Variants in SLC5A2 observed in about 807,000 individuals in gnomAD.
SLC5A2 encodes solute carrier family 5 member 2.
In SLC5A2, 67 loss-of-function variants were observed where a neutral mutation model predicts 69.0. The observed-to-expected ratio is 0.97, with a 90% CI of 0.80 to 1.19. The LOEUF is 1.19. Ranked by LOEUF, SLC5A2 falls within the 50% of genes most tolerant of loss-of-function variation. The pLI, the probability that SLC5A2 is intolerant of heterozygous loss-of-function variation, is 0.00. For missense variants in SLC5A2, 1,001 were observed against 921.5 expected (o/e 1.09, Z -1.12); for synonymous variants, 455 against 395.8 (o/e 1.15, Z -1.78).
Position 31,488,146 on chromosome 16 carries a change from G to C in SLC5A2, c.994G>C (p.Gly332Arg). 3 of 1,614,110 alleles carry C rather than the reference G, an allele frequency of 1.9e-6. No homozygotes were observed. Among genetic ancestry groups the C allele is most frequent in the Non-Finnish European group, 2.5e-6 (3 of 1,180,000 alleles). Residue 332 changes from glycine to arginine, a missense_variant, in exon 8 of 14, where the codon GGC becomes CGC. Transcript: ENST00000330498. ...GCCCATGTTTCTCATGGTCATGCCA[G>C]GCATGATCAGCCGCATTCTGTACCC... ...LTPMFLMVMP[G>R]MISRILYPDE...
chr16:31,489,581 T>C, intron 12 of SLC5A2: 1 of 592,474 alleles, frequency 1.7e-6, no homozygotes, highest in Non-Finnish European at 3.0e-6. Context: ...ATCCTTGGCA[T>C]GGCCTTTGGG....
Position 31,483,182 on chromosome 16 carries a change from C to G in SLC5A2, c.46C>G (p.Gln16Glu), listed in dbSNP as rs760219242. 3 of 1,613,904 alleles carry G rather than the reference C, an allele frequency of 1.9e-6. No homozygotes were observed. The highest frequency in any genetic ancestry group is 2.2e-5 in the South Asian group (2 of 91,070). Residue 16 changes from glutamine to glutamate, a missense_variant, in exon 1 of 14, where the codon CAG (glutamine) becomes GAG (glutamate). Physicochemically the swap from Gln to Glu is conservative, Grantham distance 29. Coordinates refer to ENST00000330498, the MANE Select transcript of SLC5A2 (RefSeq NM_003041.4). ...EAGSAPEMGA[Q>E]KALIDNPADI... ...AGGCTCGGCACCAGAGATGGGGGCC[C>G]AGAAGGCCCTGATTGACAATCCTGC...
intron 1 of SLC5A2, among the ~76,000 whole-genome samples, chr16:31,484,002 T>C (rs2082475114): frequency 6.6e-6 from 1 of 152,090 alleles, no homozygotes; most frequent in Non-Finnish European, 1.5e-5. Flanking sequence ...GGTGGGAAGA[T>C]TGCTTGAGCC....
rs1161062139 is a variant in SLC5A2 at position 31,488,378 on chromosome 16, G to C, written c.1022-5G>C. ...CCTAACGGCGCGGTGGCCTCTCTCT[G>C]GCAGACGAGGTGGCGTGCGTGGTGC... On this transcript the variant is annotated splice_region_variant and splice_polypyrimidine_tract_variant and intron_variant, in intron 8 of 13. Transcript: ENST00000330498. 2 of 1,610,980 alleles carry C rather than the reference G, an allele frequency of 1.2e-6. No individual in the cohort carries two copies. Among genetic ancestry groups the C allele is most frequent in the South Asian group, 2.2e-5 (2 of 90,984 alleles).
rs1055590288 is a variant in SLC5A2 at position 31,489,365 on chromosome 16, C to G, written c.1665+27C>G. 7 of 1,583,790 alleles carry G rather than the reference C, an allele frequency of 4.4e-6. No homozygotes were observed. In the Admixed American group the frequency reaches 6.7e-5, roughly 15 times the overall value. ...TGAGTGGCCAGGTGCCCCAGGCAAG[C>G]ACTGTGGGACACAGCACCTACCCTC... On this transcript the variant is annotated intron_variant, in intron 12 of 13. Coordinates refer to ENST00000330498, the MANE Select transcript of SLC5A2 (RefSeq NM_003041.4).
chr16:31,483,338 G>C lies in SLC5A2; in HGVS notation c.126+76G>C, dbSNP rs145808638. On this transcript the variant is annotated intron_variant, in intron 1 of 13. Transcript: ENST00000330498. Reference sequence around the variant, plus strand: ...GGGGAAAAGTCTCAGGGGGACCCTAGGTGGGAGAATGATGCTTGGATCTTT... The same window carrying C: ...GGGGAAAAGTCTCAGGGGGACCCTACGTGGGAGAATGATGCTTGGATCTTT... 1,271 of 1,577,670 alleles carry C rather than the reference G, an allele frequency of 8.1e-4. 17 individuals carry two copies. The Admixed American group carries it at 0.019, about 23-fold the overall frequency.
At chr16:31,489,447 T>C (rs1596621953) in intron 12 of SLC5A2, 109 bp downstream of exon 12, 1 of 991,084 alleles carries the variant, frequency 1.0e-6, no homozygotes, top group Non-Finnish European at 1.5e-6. Flanking sequence ...GGGTTGGGAA[T>C]GGGCTGGGGG....
Position 31,488,453 on chromosome 16 carries a change from C to G in SLC5A2, c.1092C>G (p.Ile364Met). Reference protein sequence around the residue: ...VCGTEVGCSNIAYPRLVVKLM... With the variant: ...VCGTEVGCSNMAYPRLVVKLM... Reference sequence around the variant, plus strand: ...GCACGGAGGTGGGCTGCTCCAACATCGCCTACCCGCGGCTCGTCGTGAAGC... The same window carrying G: ...GCACGGAGGTGGGCTGCTCCAACATGGCCTACCCGCGGCTCGTCGTGAAGC... The change falls in exon 9 of 14, where the codon ATC (isoleucine) becomes ATG (methionine). Residue 364 changes from isoleucine to methionine, a missense_variant. By Grantham distance (10) the Ile-to-Met change is conservative (BLOSUM62 1). Transcript: ENST00000330498. 1.2e-6 allele frequency: 2 copies of G among 1,610,898 alleles called. No individual in the cohort carries two copies. The highest frequency in any genetic ancestry group is 4.5e-5 in the East Asian group (2 of 44,778).
In SLC5A2 at chr16:31,488,955, C is replaced by G. The variant is rs199626017; in HGVS notation, c.1356C>G (p.Leu452=). 1.9e-6 allele frequency: 3 copies of G among 1,603,214 alleles called. No individual in the cohort carries two copies. The highest frequency in any genetic ancestry group is 2.5e-6 in the Non-Finnish European group (3 of 1,179,880). The change falls in exon 11 of 14, where the codon CTC becomes CTG. Residue 452 remains leucine, a synonymous_variant. Transcript: ENST00000330498. The stretch of plus-strand genomic sequence containing the variant: ...TGCAGGCGGCACAGGGCGGGCAGCT[C>G]TTCGATTACATCCAGGCAGTCTCTA... ...PVVQAAQGGQ[L]FDYIQAVSSY...
intron 12 of SLC5A2, chr16:31,489,844 T>A: frequency 2.0e-6 from 1 of 505,678 alleles, no homozygotes; most frequent in Non-Finnish European, 3.6e-6. Flanking sequence ...CGCTACCATC[T>A]GGGTGTAGAC....
chr16:31,489,260 C>G lies in SLC5A2; in HGVS notation c.1587C>G (p.Phe529Leu). ...AFLCGVHYLY[F>L]AIVLFFCSGL... ...TCTGCGGCGTGCACTACCTCTACTT[C>G]GCCATTGTGCTGTTCTTCTGCTCTG... The change falls in exon 12 of 14, where the codon TTC becomes TTG. Residue 529 changes from phenylalanine (F) to leucine (L), a missense_variant. Phe to Leu is a conservative substitution (Grantham distance 22). Coordinates refer to ENST00000330498, the MANE Select transcript of SLC5A2 (RefSeq NM_003041.4). 1 of 1,610,904 alleles carries G rather than the reference C, an allele frequency of 6.2e-7. No individual in the cohort carries two copies. The highest frequency in any genetic ancestry group is 8.5e-7 in the Non-Finnish European group (1 of 1,180,020).
At chr16:31,485,950 C>T in intron 4 of SLC5A2, 57 bp downstream of exon 4, 1 of 1,592,622 alleles carries the variant, frequency 6.3e-7, no homozygotes. Flanking sequence ...CAAGTGGGGT[C>T]TCTAGAGAAC....
chr16:31,490,626 TG>T lies in SLC5A2; in HGVS notation c.*95del. 2 of 1,219,980 alleles carry T rather than the reference TG, an allele frequency of 1.6e-6. No homozygotes were observed. The highest frequency in any genetic ancestry group is 1.9e-4 in the Middle Eastern group (1 of 5,226). 75.6% of individuals were successfully genotyped at this position (1,219,980 alleles called of 1,614,324 possible). Reference sequence around the variant, plus strand: ...CTCCCCAGAAAAGGGGAAGGGGCAGTGGGGTGAGAAGGTCCTGGCTCCCCTT... The same window carrying T: ...CTCCCCAGAAAAGGGGAAGGGGCAGTGGGTGAGAAGGTCCTGGCTCCCCTT... On this transcript the variant is annotated 3_prime_UTR_variant, in exon 14 of 14. Transcript: ENST00000330498.
rs1181392831 is a variant in SLC5A2, at chr16:31,488,411, G to A, written c.1050G>A (p.Val350=). The A allele has an allele frequency of 6.2e-7, 1 of 1,611,694 alleles. No homozygotes were observed. Among genetic ancestry groups the A allele is most frequent in the Non-Finnish European group, 8.5e-7 (1 of 1,179,774 alleles). ...PDEVACVVPE[V]CRRVCGTEVG... ...AGGTGGCGTGCGTGGTGCCTGAGGT[G>A]TGCAGGCGCGTGTGCGGCACGGAGG... The change falls in exon 9 of 14, where the codon GTG becomes GTA. Residue 350 remains valine (V), a synonymous_variant. Coordinates refer to ENST00000330498, the MANE Select transcript of SLC5A2 (RefSeq NM_003041.4).
At chr16:31,489,515 C>G (rs1596622017) in intron 12 of SLC5A2, 177 bp downstream of exon 12, 1 of 662,398 alleles carries the variant, frequency 1.5e-6, no homozygotes, top group South Asian at 1.8e-5. Context: ...TTTATTTGAA[C>G]CGGCCTGGGG....
intron 1 of SLC5A2, among the ~76,000 whole-genome samples, chr16:31,483,513 C>T (rs932404887): frequency 2.6e-5 from 4 of 152,128 alleles, no homozygotes; most frequent in Non-Finnish European, 5.9e-5. Context: ...TAAATGGGGT[C>T]TCATTCCCCT....
intron 12 of SLC5A2, chr16:31,489,708 G>C (rs2082543000): frequency 2.2e-6 from 1 of 456,582 alleles, no homozygotes. Flanking sequence ...TGGCAGGGTG[G>C]GGTGAGGACA....
chr16:31,484,915 G>A lies in SLC5A2; in HGVS notation c.295G>A (p.Glu99Lys), dbSNP rs2082483999. 2 of 1,613,894 alleles carry A rather than the reference G, an allele frequency of 1.2e-6. No individual in the cohort carries two copies. The highest frequency in any genetic ancestry group is 1.3e-5 in the African/African-American group (1 of 74,940). ...AASGLAVAGF[E>K]WNALFVVLLL... Reference sequence around the variant, plus strand: ...AAGTGGCTTGGCTGTTGCTGGATTCGAGTGGAATGTGAGGCCCTCTTTTTT... The same window carrying A: ...AAGTGGCTTGGCTGTTGCTGGATTCAAGTGGAATGTGAGGCCCTCTTTTTT... Residue 99 changes from glutamate to lysine, a missense_variant, in exon 3 of 14, where the codon GAG becomes AAG. Coordinates refer to ENST00000330498, the MANE Select transcript of SLC5A2 (RefSeq NM_003041.4).
Position 31,488,405 on chromosome 16 carries a change from T to C in SLC5A2, c.1044T>C (p.Pro348=), listed in dbSNP as rs781239616. 26 of 1,611,616 alleles carry C rather than the reference T, an allele frequency of 1.6e-5. No homozygotes were observed. The Admixed American group carries it at 1.7e-4, about 10-fold the overall frequency. The change falls in exon 9 of 14, where the codon CCT becomes CCC. Residue 348 remains proline, a synonymous_variant. Coordinates refer to ENST00000330498, the MANE Select transcript of SLC5A2 (RefSeq NM_003041.4). ...LYPDEVACVV[P]EVCRRVCGTE... is the part of the protein sequence containing the mutation. ...CAGACGAGGTGGCGTGCGTGGTGCC[T>C]GAGGTGTGCAGGCGCGTGTGCGGCA...
Sources: gnomAD v4.1 joint callset for allele counts (sites outside exome capture counted in the v4.1 genomes callset) on GRCh38, gnomAD v4.1.1 for gene constraint, MANE v1.5 for transcripts, NCBI Gene and HGNC (gene_info 2026-07-23, HGNC 2026-07-21) for gene names.